The following ZNF782 variants were observed in gnomAD, a reference collection of about 807,000 sequenced individuals.
The protein encoded by ZNF782 is zinc finger protein 782.
Under a neutral mutation model 13.0 loss-of-function variants are expected in ZNF782, and 12 were observed. The observed-to-expected ratio is 0.92, with a 90% CI of 0.59 to 1.50. ZNF782 has a LOEUF of 1.50. ZNF782 is among the 40% of genes most tolerant of loss of function. ZNF782 has a pLI of 0.00. For synonymous variants in ZNF782, 284 were observed against 283.0 expected (o/e 1.00, Z -0.04); for missense variants, 770 against 822.9 (o/e 0.94, Z 0.79).
Position 96,844,209 on chromosome 9 carries a change from C to T in ZNF782, c.142+681G>A, listed in dbSNP as rs561354615. On this transcript the variant is annotated intron_variant, in intron 4 of 5. Coordinates refer to ENST00000481138, the MANE Select transcript of ZNF782 (RefSeq NM_001001662.3). The stretch of plus-strand genomic sequence containing the variant: ...TCTCATAAAGTTACAGACAGATAAA[C>T]TTACCAAAGACCTGGCAAGCTCACT... Among the ~76,000 whole-genome samples, 4 of 152,282 alleles carry T rather than the reference C, an allele frequency of 2.6e-5. No homozygotes were observed. In the South Asian group the frequency reaches 8.3e-4, roughly 32 times the overall value.
chr9:96,869,479 G>A (rs889618542), intron 1 of ZNF782, among the ~76,000 whole-genome samples: 1 of 152,150 alleles, frequency 6.6e-6, no homozygotes, highest in Non-Finnish European at 1.5e-5. Flanking sequence ...AGTGCAGTGA[G>A]TCCCATGAGT....
the ZNF782 span, among the ~76,000 whole-genome samples, chr9:96,905,412 A>G: frequency 6.6e-6 from 1 of 151,950 alleles, no homozygotes; most frequent in East Asian, 1.9e-4. Context: ...TGGTCTAAAA[A>G]AGGGAGGAAC....
At chr9:96,889,863 AAT>A in the ZNF782 span, 1 of 152,234 alleles carries the variant, frequency 6.6e-6, no homozygotes, top group Non-Finnish European at 1.5e-5. Flanking sequence ...ATTTATACAC[AAT>A]ATGTTTCATT....
the ZNF782 span, among the ~76,000 whole-genome samples, chr9:96,911,742 C>T: frequency 6.6e-6 from 1 of 151,530 alleles, no homozygotes; most frequent in Non-Finnish European, 1.5e-5. Flanking sequence ...GGATGGTCTC[C>T]ATCTCCTGAC....
chr9:96,858,694 G>A (rs1051117464), upstream of ZNF782, among the ~76,000 whole-genome samples: 8 of 152,034 alleles, frequency 5.3e-5, no homozygotes, highest in African/African-American at 1.2e-4. The surrounding 1 kb of genome is among the most constrained non-coding windows in gnomAD (Gnocchi z 4.4). Context: ...GCAGTGGCGC[G>A]AGGTTTTGTT....
chr9:96,922,852 A>C, the ZNF782 span, among the ~76,000 whole-genome samples: 7 of 151,198 alleles, frequency 4.6e-5, no homozygotes, highest in Non-Finnish European at 1.0e-4. Flanking sequence ...GAAGAAACAC[A>C]TCTTACTGCT....
chr9:96,917,887 CGTGTGTGTGTGTGTGTGTGTGT>C, the ZNF782 span, among the ~76,000 whole-genome samples: 1 of 121,718 alleles, frequency 8.2e-6, no homozygotes, highest in African/African-American at 3.6e-5. Context: ...CCACCCTTGG[CGTGTGTGTGTGTGTGTGTGTGT>C]GTGTGTGTGT....
At chr9:96,930,872 G>GTTTTTTTTTTTTTTTTTTTTTTTTTTTT in the ZNF782 span, among the ~76,000 whole-genome samples, 2 of 72,726 alleles carry the variant, frequency 2.8e-5, 1 homozygote, top group Non-Finnish European at 5.0e-5. Context: ...CCATCCAGTG[G>GTTTTTTTTTTTTTTTTTTTTTTTTTTTT]TTTTTTTTTT....
rs138880239 is a variant in ZNF782 at position 96,871,913 on chromosome 9, C to T, written c.-457+3555G>A. On this transcript the variant is annotated intron_variant, in intron 1 of 5. Transcript: ENST00000498811. ...GCAGGGCTTTCATCTGCATTGATCA[C>T]CCAAAATTATTTTCTCTAGATGTGA... is the stretch of plus-strand genomic sequence containing the variant. Among the ~76,000 whole-genome samples the T allele has an allele frequency of 3.9e-3, 590 of 152,224 alleles. 7 individuals carry two copies. The highest frequency in any genetic ancestry group is 0.013 in the African/African-American group (557 of 41,526).
In ZNF782 at chr9:96,833,333, G is replaced by A. The variant is rs149536737; in HGVS notation, c.143-6152C>T. On this transcript the variant is annotated intron_variant, in intron 4 of 5. Transcript: ENST00000481138. ...CCTTTTTACCTAATGTCTTTTTCCT[G>A]TTCTATAGCTTCATCCAAGATCCCA... Among the ~76,000 whole-genome samples, 22 of 152,148 alleles carry A rather than the reference G, an allele frequency of 1.4e-4. No homozygotes were observed. In the East Asian group the frequency reaches 3.9e-3, roughly 27 times the overall value.
rs35632660 is a variant in ZNF782, at chr9:96,817,087, C to CG, written c.*835dup. The stretch of plus-strand genomic sequence containing the variant: ...CATGCCACAGGATCCTTCTCTGACC[C>CG]GGGTTCCTACCATCTTGTACTTTCC... On this transcript the variant is annotated 3_prime_UTR_variant, in exon 6 of 6. Coordinates refer to ENST00000481138, the MANE Select transcript of ZNF782 (RefSeq NM_001001662.3). The CG allele has an allele frequency of 0.23, 35,620 of 152,112 alleles. 5,495 individuals are homozygous for CG. The highest frequency in any genetic ancestry group is 0.35 in the Non-Finnish European group (23,494 of 67,964). 9.4% of individuals were successfully genotyped at this position (152,112 alleles called of 1,614,324 possible).
the ZNF782 span, among the ~76,000 whole-genome samples, chr9:96,903,813 C>T: frequency 0.029 from 4,349 of 151,814 alleles, 276 homozygotes; most frequent in African/African-American, 0.1. Flanking sequence ...CCACCTGCCT[C>T]GGCCTCCCAA....
At chr9:96,929,541 G>A in the ZNF782 span, among the ~76,000 whole-genome samples, 1 of 151,482 alleles carries the variant, frequency 6.6e-6, no homozygotes, top group Admixed American at 6.6e-5. Flanking sequence ...AGAGCATGTA[G>A]TGACAGCCTC....
At chr9:96,835,741 T>C (rs940203511) in intron 4 of ZNF782, among the ~76,000 whole-genome samples, 6 of 152,170 alleles carry the variant, frequency 3.9e-5, no homozygotes, top group African/African-American at 1.2e-4. Context: ...TGGAGGTGTG[T>C]GTTACTCCAC....
rs746240086 is a variant in ZNF782 at position 96,818,203 on chromosome 9, CCTCT to C, written c.1816_1819del (p.Arg606GlyfsTer27). The C allele has an allele frequency of 1.2e-6, 2 of 1,604,658 alleles. No homozygotes were observed. The highest frequency in any genetic ancestry group is 1.7e-6 in the Non-Finnish European group (2 of 1,176,956). ...CTCCCCAGTGTGAGTTCTCTGATGC[CCTCT>C]GAGATTTGATTTCTGCCTGAATGTT... On this transcript the variant is annotated frameshift_variant, in exon 6 of 6. Coordinates refer to ENST00000481138, the MANE Select transcript of ZNF782 (RefSeq NM_001001662.3). LOFTEE classifies it low-confidence loss of function (END_TRUNC).
intron 1 of ZNF782, among the ~76,000 whole-genome samples, chr9:96,871,591 C>T: frequency 6.6e-6 from 1 of 152,182 alleles, no homozygotes; most frequent in Non-Finnish European, 1.5e-5. Context: ...CCCAGCTACT[C>T]ATAAGGCTTA....
the ZNF782 span, among the ~76,000 whole-genome samples, chr9:96,911,067 C>G: frequency 6.7e-6 from 1 of 148,222 alleles, no homozygotes; most frequent in South Asian, 2.1e-4. Context: ...GCCTTCGGAC[C>G]GTTCTCCGTC....
the ZNF782 span, among the ~76,000 whole-genome samples, chr9:96,884,250 TCAAA>T: frequency 6.6e-6 from 1 of 151,814 alleles, no homozygotes; most frequent in Admixed American, 6.6e-5. Context: ...GTCAGTGGGG[TCAAA>T]CAGTGAGCTG....
the ZNF782 span, chr9:96,888,672 C>T: frequency 6.6e-6 from 1 of 152,260 alleles, no homozygotes; most frequent in African/African-American, 2.4e-5. Flanking sequence ...AAGAGCTAGT[C>T]TGGACTTTGT....
Sources: allele counts gnomAD v4.1 joint callset (sites outside exome capture counted in the v4.1 genomes callset), GRCh38; gene constraint gnomAD v4.1.1; non-coding constraint Gnocchi (gnomAD v3.1); transcripts MANE v1.5; gene names NCBI Gene and HGNC (gene_info 2026-07-23, HGNC 2026-07-21).